Variants in WFS1 observed in about 807,000 individuals in gnomAD.
WFS1 encodes wolframin ER transmembrane glycoprotein.
A neutral mutation model predicts 68.5 loss-of-function variants in WFS1; 90 were observed. The ratio of observed to expected loss-of-function variants is 1.31; its 90% CI spans 1.11 to 1.56. WFS1 has a LOEUF of 1.56. Among genes scored for constraint, WFS1 ranks in the 40% most tolerant of loss-of-function variants. The pLI is 0.00. For missense variants in WFS1, 1,767 were observed against 1,232.6 expected, an observed-to-expected ratio of 1.43 and a Z score of -6.49; for synonymous variants, 860 against 540.7, an observed-to-expected ratio of 1.59 and a Z score of -8.19.
Position 6,301,102 on chromosome 4 carries a change from C to G in WFS1, c.1307C>G (p.Thr436Ser), listed in dbSNP as rs746923411. 3 of 1,613,910 alleles carry G rather than the reference C, an allele frequency of 1.9e-6. No homozygotes were observed. Among genetic ancestry groups the G allele is most frequent in the South Asian group, 2.2e-5 (2 of 91,076 alleles). ...CCCTGCTCGGAGCTGGCTGTCATCA[C>G]CGGCTTCTTTACCGTGACCAGCTAC... ...CIPCSELAVI[T>S]GFFTVTSYLS... The change falls in exon 8 of 8, where the codon ACC (threonine) becomes AGC (serine). Residue 436 changes from threonine to serine, a missense_variant. By Grantham distance (58) the Thr-to-Ser change is moderately conservative. Coordinates refer to ENST00000226760, the MANE Select transcript of WFS1 (RefSeq NM_006005.3).
chr4:6,278,070 A>T (rs1401623347), intron 2 of WFS1, among the ~76,000 whole-genome samples: 1 of 152,262 alleles, frequency 6.6e-6, no homozygotes, highest in Non-Finnish European at 1.5e-5. Flanking sequence ...GTGAGGCCAC[A>T]TGCGGGCGAA....
rs747427409 is a variant in WFS1, at chr4:6,302,351, C to G, written c.2556C>G (p.Ala852=). The G allele has an allele frequency of 1.2e-6, 2 of 1,612,966 alleles. No individual in the cohort carries two copies. Among genetic ancestry groups the G allele is most frequent in the South Asian group, 2.2e-5 (2 of 91,082 alleles). The change falls in exon 8 of 8, where the codon GCC becomes GCG. Residue 852 remains alanine (A), a synonymous_variant. Coordinates refer to ENST00000226760, the MANE Select transcript of WFS1 (RefSeq NM_006005.3). ...CCATCAGCTGCCTCAACTGCATGGC[C>G]CAGCTCTCACCCACCAGGCGGCACG... is the stretch of plus-strand genomic sequence containing the variant. ...LKAISCLNCM[A]QLSPTRRHVK...
chr4:6,284,298 G>A (rs1352752607), intron 2 of WFS1, among the ~76,000 whole-genome samples: 3 of 152,134 alleles, frequency 2.0e-5, no homozygotes, highest in Non-Finnish European at 4.4e-5. Flanking sequence ...GCTTGAACCC[G>A]AGAGGCAGAG....
At position 6,303,019 on chromosome 4, in the gene WFS1, T is replaced by C. The variant is rs1023770387; in HGVS notation, c.*551T>C. The C allele has an allele frequency of 7.2e-5, 12 of 167,488 alleles. No individual in the cohort carries two copies. Among genetic ancestry groups the C allele is most frequent in the Admixed American group, 6.0e-4 (11 of 18,332 alleles). The allele number at this position is 167,488 out of a possible 1,614,324, so 10.4% of individuals were successfully genotyped here. ...ATCAGAGGCTGGGGGAGGCGGCACA[T>C]TGGCAGTGTGTCACACTGAGCTGGG... On this transcript the variant is annotated 3_prime_UTR_variant, in exon 8 of 8. Coordinates refer to ENST00000226760, the MANE Select transcript of WFS1 (RefSeq NM_006005.3).
chr4:6,272,860 T>C (rs1364700789), intron 1 of WFS1, among the ~76,000 whole-genome samples: 3 of 152,236 alleles, frequency 2.0e-5, no homozygotes, highest in African/African-American at 7.2e-5. Context: ...ACCTTTTCCT[T>C]GTCTCAAAAC....
At chr4:6,272,902 A>G (rs530336877) in intron 1 of WFS1, among the ~76,000 whole-genome samples, 32 of 152,330 alleles carry the variant, frequency 2.1e-4, no homozygotes, top group African/African-American at 6.5e-4. Context: ...TACCAGCTGT[A>G]CAGCGTTGCA....
intron 7 of WFS1, among the ~76,000 whole-genome samples, chr4:6,295,502 AGACTTTCATC>A (rs1368512067): frequency 6.6e-6 from 1 of 152,204 alleles, no homozygotes; most frequent in African/African-American, 2.4e-5. Context: ...GGCTGGACGC[AGACTTTCATC>A]TAGACTTCAT....
chr4:6,292,125 G>C lies in WFS1; in HGVS notation c.712+128G>C, dbSNP rs1009749573. 4 of 972,158 alleles carry C rather than the reference G, an allele frequency of 4.1e-6. No homozygotes were observed. In the African/African-American group the frequency reaches 6.5e-5, roughly 16 times the overall value. 60.2% of individuals were successfully genotyped at this position (972,158 alleles called of 1,614,324 possible). On this transcript the variant is annotated intron_variant, in intron 6 of 7. Transcript: ENST00000226760. ...CCGTGCCTCCCAGCCTGCGCCTGCA[G>C]GGCGACCTCTCCTTCCTGTGCGACC...
intron 1 of WFS1, among the ~76,000 whole-genome samples, chr4:6,274,924 A>T (rs1729950786): frequency 6.6e-6 from 1 of 152,144 alleles, no homozygotes; most frequent in South Asian, 2.1e-4. Context: ...CAGGTCTGGT[A>T]CCTGGAGCTG....
In WFS1 at chr4:6,286,633, G is replaced by A. The variant is rs529740842; in HGVS notation, c.233-460G>A. On this transcript the variant is annotated intron_variant, in intron 2 of 7. Coordinates refer to ENST00000226760, the MANE Select transcript of WFS1 (RefSeq NM_006005.3). ...ATATCCAAAAAATGTGGTTTTTGTT[G>A]GTACAATCATGGAAAACATGAACTT... 2.6e-5 allele frequency among the ~76,000 whole-genome samples: 4 copies of A among 152,316 alleles called. No individual in the cohort carries two copies. In the East Asian group the frequency reaches 5.8e-4, roughly 22 times the overall value.
intron 1 of WFS1, among the ~76,000 whole-genome samples, chr4:6,274,308 A>G (rs541619133): frequency 1.3e-5 from 2 of 151,288 alleles, no homozygotes; most frequent in Non-Finnish European, 2.9e-5. Flanking sequence ...CGGCCTCCCA[A>G]AGTGCTGGGA....
At chr4:6,274,694 G>T (rs1183546393) in intron 1 of WFS1, among the ~76,000 whole-genome samples, 1 of 152,054 alleles carries the variant, frequency 6.6e-6, no homozygotes, top group Non-Finnish European at 1.5e-5. Flanking sequence ...GGTCTAGGCT[G>T]GGGGAGGGGG....
At chr4:6,298,413 C>T (rs1246052388) in intron 7 of WFS1, among the ~76,000 whole-genome samples, 1 of 152,266 alleles carries the variant, frequency 6.6e-6, no homozygotes, top group Non-Finnish European at 1.5e-5. Flanking sequence ...GTGTGAGCGC[C>T]TCTCTGCTCA....
At position 6,277,682 on chromosome 4, in the gene WFS1, G is replaced by A. The variant is rs200135768; in HGVS notation, c.227G>A (p.Gly76Asp). The change falls in exon 2 of 8, where the codon GGC (glycine) becomes GAC (aspartate). Residue 76 changes from glycine (G) to aspartate (D), a missense_variant. Physicochemically the swap from Gly to Asp is moderately conservative, Grantham distance 94. Coordinates refer to ENST00000226760, the MANE Select transcript of WFS1 (RefSeq NM_006005.3). The part of the protein sequence containing the change: ...QHTRSRERAD[G>D]TGPTKGDMEI... ...ACCAGGAGCCGGGAAAGAGCAGACGGCACCGGTAAGGGAGCAGGCTGGGAA... is the reference window on the plus strand; with the variant it reads ...ACCAGGAGCCGGGAAAGAGCAGACGACACCGGTAAGGGAGCAGGCTGGGAA... 1 of 1,558,848 alleles carries A rather than the reference G, an allele frequency of 6.4e-7. No homozygotes were observed. The highest frequency in any genetic ancestry group is 1.2e-5 in the South Asian group (1 of 84,658).
intron 5 of WFS1, among the ~76,000 whole-genome samples, chr4:6,291,660 G>C (rs917255095): frequency 1.2e-4 from 18 of 152,222 alleles, no homozygotes; most frequent in East Asian, 1.9e-4. Flanking sequence ...AGTGCTCTGT[G>C]ACCACGTCTA....
Position 6,301,942 on chromosome 4 carries a change from C to G in WFS1, c.2147C>G (p.Ala716Gly), listed in dbSNP as rs1464991921. 6.2e-7 allele frequency: 1 copy of G among 1,612,780 alleles called. No individual in the cohort carries two copies. The highest frequency in any genetic ancestry group is 2.2e-5 in the East Asian group (1 of 44,890). Residue 716 changes from alanine to glycine, a missense_variant, in exon 8 of 8, where the codon GCC becomes GGC. Transcript: ENST00000226760. ...YVRVTDIDNS[A>G]ESAINMLPFF... ...CGCGTGACTGACATCGACAACAGCG[C>G]CGAGTCTGCCATCAACATGCTCCCG...
At chr4:6,300,289 C>T (rs1031965925) in intron 7 of WFS1, among the ~76,000 whole-genome samples, 20 of 152,262 alleles carry the variant, frequency 1.3e-4, no homozygotes, top group Admixed American at 3.3e-4. Context: ...CTCAGGGCTC[C>T]GTCATCTCTT....
At chr4:6,281,252 G>A (rs879365485) in intron 2 of WFS1, among the ~76,000 whole-genome samples, 104 of 152,250 alleles carry the variant, frequency 6.8e-4, no homozygotes, top group African/African-American at 2.5e-3. Flanking sequence ...AAGGGCCTTC[G>A]GGTGTGGGGA....
intron 1 of WFS1, among the ~76,000 whole-genome samples, chr4:6,273,485 T>A (rs1268534134): frequency 1.3e-5 from 2 of 152,132 alleles, no homozygotes; most frequent in East Asian, 3.9e-4. Flanking sequence ...GCCTGGATGC[T>A]GGGGTCTGGG....
Sources: gnomAD v4.1 joint callset for allele counts (sites outside exome capture counted in the v4.1 genomes callset) on GRCh38, gnomAD v4.1.1 for gene constraint, MANE v1.5 for transcripts, NCBI Gene and HGNC (gene_info 2026-07-23, HGNC 2026-07-21) for gene names.